The following DPP10 variants were observed in gnomAD, a reference collection of about 807,000 sequenced individuals.
DPP10 encodes the protein inactive dipeptidyl peptidase 10.
A neutral mutation model predicts 120.9 loss-of-function variants in DPP10; 33 were observed. That is an observed-to-expected ratio of 0.27 (90% confidence interval 0.21 to 0.37). DPP10 has a LOEUF of 0.37. Among genes scored for constraint, DPP10 ranks in the 10% least tolerant of loss-of-function variants. The probability of loss-of-function intolerance (pLI) is 1.00; values close to 1 mark genes in which losing one functional copy is unlikely to be tolerated. For missense variants in DPP10, 816 were observed against 942.8 expected, an observed-to-expected ratio of 0.87 and a Z score of 1.76; for synonymous variants, 337 against 326.1, an observed-to-expected ratio of 1.03 and a Z score of -0.36.
intron 1 of DPP10, among the ~76,000 whole-genome samples, chr2:114,551,841 A>G (rs776818846): frequency 7.9e-5 from 12 of 152,308 alleles, no homozygotes; most frequent in South Asian, 2.1e-4. Flanking sequence ...CTCTGATCTT[A>G]AGGTTATATT....
chr2:115,497,448 T>G (rs1342529786), intron 3 of DPP10, among the ~76,000 whole-genome samples: 2 of 152,112 alleles, frequency 1.3e-5, no homozygotes, highest in African/African-American at 2.4e-5. Context: ...AAAGATGTTT[T>G]TGCCTGCCTT....
chr2:115,408,671 G>A (rs1284007436), intron 3 of DPP10, among the ~76,000 whole-genome samples: 1 of 152,040 alleles, frequency 6.6e-6, no homozygotes, highest in Non-Finnish European at 1.5e-5. Context: ...AAAATGAATA[G>A]TTGGAACATC....
intron 5 of DPP10, among the ~76,000 whole-genome samples, chr2:115,674,564 T>A (rs576940390): frequency 1.3e-5 from 2 of 152,254 alleles, no homozygotes; most frequent in South Asian, 4.1e-4. Flanking sequence ...TTATGGGTGA[T>A]GTGTTTGGCA....
chr2:115,177,227 T>C (rs1191265950), intron 1 of DPP10, among the ~76,000 whole-genome samples: 2 of 152,216 alleles, frequency 1.3e-5, no homozygotes, highest in Non-Finnish European at 2.9e-5. Context: ...TATATATTAA[T>C]GTAAACTTTA....
At chr2:115,211,675 T>A (rs934378954) in intron 1 of DPP10, among the ~76,000 whole-genome samples, 1 of 152,164 alleles carries the variant, frequency 6.6e-6, no homozygotes. Context: ...GGTCCTTTTT[T>A]ATTGACAGAA....
At chr2:115,174,193 A>G (rs1368869516) in intron 1 of DPP10, among the ~76,000 whole-genome samples, 1 of 152,200 alleles carries the variant, frequency 6.6e-6, no homozygotes, top group Non-Finnish European at 1.5e-5. Context: ...CATTTTCCTG[A>G]TGAAGTAGAA....
chr2:114,879,610 A>T (rs1366604953), intron 1 of DPP10, among the ~76,000 whole-genome samples: 2 of 152,172 alleles, frequency 1.3e-5, no homozygotes, highest in Non-Finnish European at 2.9e-5. Context: ...AAGAAATCAA[A>T]TAGGATTCAA....
intron 3 of DPP10, among the ~76,000 whole-genome samples, chr2:115,478,006 C>T (rs888059501): frequency 6.6e-5 from 10 of 152,064 alleles, no homozygotes; most frequent in African/African-American, 2.4e-4. Flanking sequence ...AGGTGCCACA[C>T]TCTTTTAAAC....
chr2:114,579,034 G>T (rs998159034), intron 1 of DPP10, among the ~76,000 whole-genome samples: 1 of 152,162 alleles, frequency 6.6e-6, no homozygotes, highest in African/African-American at 2.4e-5. Context: ...CTGGAGACTG[G>T]TAATTTGCAA....
At chr2:114,830,161 T>C (rs754693725) in intron 1 of DPP10, among the ~76,000 whole-genome samples, 1 of 67,212 alleles carries the variant, frequency 1.5e-5, no homozygotes, top group African/African-American at 5.0e-5. Context: ...AAGGCTGGTA[T>C]GGCTACCTAA....
Position 114,781,856 on chromosome 2 carries a change from C to T in DPP10, c.60+339018C>T, listed in dbSNP as rs190132485. 2.6e-5 allele frequency among the ~76,000 whole-genome samples: 4 copies of T among 152,252 alleles called. No homozygotes were observed. In the East Asian group the frequency reaches 7.7e-4, roughly 29 times the overall value. Reference sequence around the variant, plus strand: ...AAAGGACTGGAAGGAGCGTCCAGGGCCATCTGCATTTGTCTCTCCTCACAT... The same window carrying T: ...AAAGGACTGGAAGGAGCGTCCAGGGTCATCTGCATTTGTCTCTCCTCACAT... On this transcript the variant is annotated intron_variant, in intron 1 of 25. Coordinates refer to ENST00000410059, the MANE Select transcript of DPP10 (RefSeq NM_020868.6).
chr2:114,570,548 G>A (rs899538669), intron 1 of DPP10, among the ~76,000 whole-genome samples: 12 of 152,036 alleles, frequency 7.9e-5, no homozygotes, highest in African/African-American at 1.2e-4. Flanking sequence ...GAAGGTGGCC[G>A]GGCATGGTGG....
intron 1 of DPP10, among the ~76,000 whole-genome samples, chr2:114,747,394 C>G (rs1001229196): frequency 6.6e-6 from 1 of 152,276 alleles, no homozygotes; most frequent in African/African-American, 2.4e-5. Context: ...GACACAAATA[C>G]TATACTTTTG....
At chr2:114,469,257 G>T (rs768674471) in intron 1 of DPP10, among the ~76,000 whole-genome samples, 1 of 152,186 alleles carries the variant, frequency 6.6e-6, no homozygotes, top group Non-Finnish European at 1.5e-5. Flanking sequence ...ACAGGATTGA[G>T]ATCAAGAGTG....
intron 1 of DPP10, among the ~76,000 whole-genome samples, chr2:114,700,797 A>G (rs550815045): frequency 3.3e-5 from 5 of 151,742 alleles, no homozygotes; most frequent in Admixed American, 1.3e-4. Flanking sequence ...ATAAGCACAT[A>G]CTCCACAACA....
In DPP10 at chr2:115,255,980, G is replaced by T. The variant is rs189306596; in HGVS notation, c.61-53259G>T. Among the ~76,000 whole-genome samples, 9 of 152,272 alleles carry T rather than the reference G, an allele frequency of 5.9e-5. No individual in the cohort carries two copies. In the East Asian group the frequency reaches 1.4e-3, roughly 23 times the overall value. ...TTGCCTGTTACCCAGTTCAAAAGCC[G>T]CTTCCACGTTTTCGGGTCTCTTTAC... On this transcript the variant is annotated intron_variant, in intron 1 of 25. Transcript: ENST00000410059.
At chr2:115,798,392 C>G (rs1057129388) in intron 19 of DPP10, among the ~76,000 whole-genome samples, 31 of 151,988 alleles carry the variant, frequency 2.0e-4, no homozygotes, top group Non-Finnish European at 3.4e-4. Context: ...ACAGTGTATT[C>G]TTTCTTGGTA....
intron 2 of DPP10, among the ~76,000 whole-genome samples, chr2:115,326,314 A>C (rs1225902630): frequency 2.6e-5 from 4 of 151,984 alleles, no homozygotes; most frequent in African/African-American, 9.7e-5. Flanking sequence ...AGCATGATTC[A>C]TTACTCTGGT....
intron 1 of DPP10, among the ~76,000 whole-genome samples, chr2:114,541,867 G>C (rs1686979005): frequency 2.0e-5 from 3 of 152,008 alleles, no homozygotes; most frequent in Non-Finnish European, 4.4e-5. Context: ...GAAGTGAATA[G>C]TTGCTTTTGA....
Sources: gnomAD v4.1 joint callset for allele counts (sites outside exome capture counted in the v4.1 genomes callset) on GRCh38, gnomAD v4.1.1 for gene constraint, MANE v1.5 for transcripts, NCBI Gene and HGNC (gene_info 2026-07-23, HGNC 2026-07-21) for gene names.